The following KLF8 variants were observed in gnomAD, a reference collection of about 807,000 sequenced individuals.
The protein encoded by KLF8 is KLF transcription factor 8.
KLF8 carries 10 observed loss-of-function variants against 18.2 expected under a neutral mutation model. That is an observed-to-expected ratio of 0.55 (90% confidence interval 0.34 to 0.93). KLF8 has a LOEUF of 0.93. KLF8 is among the 40% of genes least tolerant of loss of function. The probability of loss-of-function intolerance (pLI) is 0.02; values close to 1 mark genes in which losing one functional copy is unlikely to be tolerated. For missense variants in KLF8, 264 were observed against 277.9 expected (o/e 0.95, Z 0.36); for synonymous variants, 109 against 97.3 (o/e 1.12, Z -0.71).
At chrX:56,113,564 T>G in the KLF8 span, among the ~76,000 whole-genome samples, 2 of 101,666 alleles carry the variant, frequency 2.0e-5, no homozygotes, top group Non-Finnish European at 4.0e-5. Context: ...GTTTTTTTTT[T>G]TTTTTTTTTT....
At chrX:56,146,618 C>T in the KLF8 span, among the ~76,000 whole-genome samples, 1 of 109,443 alleles carries the variant, frequency 9.1e-6, no homozygotes, top group African/African-American at 3.3e-5. Context: ...ATGTAGATGA[C>T]GGGCTGTTGG....
At chrX:56,114,094 G>T in the KLF8 span, among the ~76,000 whole-genome samples, 1 of 112,112 alleles carries the variant, frequency 8.9e-6, no homozygotes, top group South Asian at 3.7e-4. Context: ...GGCCCCGCCC[G>T]GTTAGGAGGG....
At chrX:56,067,214 C>A in the KLF8 span, among the ~76,000 whole-genome samples, 2 of 104,669 alleles carry the variant, frequency 1.9e-5, no homozygotes, top group African/African-American at 6.9e-5. Context: ...TTCCATTCGT[C>A]TTTGTGGAGT....
the KLF8 span, chrX:56,015,247 A>T: frequency 8.9e-6 from 1 of 111,905 alleles, no homozygotes; most frequent in Non-Finnish European, 1.9e-5. Context: ...ACATATCTAC[A>T]GTACGTCAGA....
the KLF8 span, among the ~76,000 whole-genome samples, chrX:56,189,577 T>C: frequency 3.6e-5 from 4 of 111,141 alleles, no homozygotes; most frequent in African/African-American, 9.8e-5. Flanking sequence ...ACACATATGT[T>C]TATTGTGGCA....
intron 2 of KLF8, among the ~76,000 whole-genome samples, chrX:56,250,823 G>A (rs911298844): frequency 9.0e-6 from 1 of 111,586 alleles, no homozygotes; most frequent in Non-Finnish European, 1.9e-5. Context: ...TCAGGGGTAG[G>A]CCGGCAGGCT....
chrX:55,987,193 C>A, the KLF8 span, among the ~76,000 whole-genome samples: 1 of 80,866 alleles, frequency 1.2e-5, no homozygotes, highest in Non-Finnish European at 2.7e-5. Context: ...TTTTTTTTTT[C>A]ATTTTAATTT....
chrX:55,985,739 A>T, the KLF8 span, among the ~76,000 whole-genome samples: 1 of 111,146 alleles, frequency 9.0e-6, no homozygotes, highest in East Asian at 2.8e-4. Flanking sequence ...CATTTTCACA[A>T]TATCAGTTCT....
the KLF8 span, among the ~76,000 whole-genome samples, chrX:56,084,712 C>A: frequency 2.7e-5 from 3 of 112,171 alleles, no homozygotes; most frequent in South Asian, 3.7e-4. Context: ...TTTAAAAGCT[C>A]TTTAAAGTAG....
the KLF8 span, among the ~76,000 whole-genome samples, chrX:56,197,630 T>C: frequency 7.2e-5 from 8 of 111,698 alleles, no homozygotes; most frequent in Middle Eastern, 4.2e-3. Flanking sequence ...TAGGACCAGA[T>C]GGATTCACAG....
the KLF8 span, among the ~76,000 whole-genome samples, chrX:56,123,299 G>GAAAGAAAGAA: frequency 9.7e-6 from 1 of 102,842 alleles, no homozygotes; most frequent in African/African-American, 3.8e-5. Flanking sequence ...AAGAAAGAAA[G>GAAAGAAAGAA]AGAAAGAAAG....
the KLF8 span, among the ~76,000 whole-genome samples, chrX:56,148,325 A>G: frequency 9.0e-6 from 1 of 111,598 alleles, no homozygotes; most frequent in Admixed American, 9.6e-5. Flanking sequence ...TCTCCTACTC[A>G]TAAAAATTAC....
chrX:56,053,070 G>A, the KLF8 span, among the ~76,000 whole-genome samples: 11 of 111,831 alleles, frequency 9.8e-5, no homozygotes, highest in South Asian at 4.1e-3. Flanking sequence ...CTCAGAAAGG[G>A]AACTCCCTGA....
chrX:56,037,504 A>T, the KLF8 span, among the ~76,000 whole-genome samples: 1 of 111,491 alleles, frequency 9.0e-6, no homozygotes, highest in Admixed American at 9.5e-5. Flanking sequence ...TTTTTTTAAA[A>T]AAGTTTGGTA....
chrX:56,078,898 C>T, the KLF8 span, among the ~76,000 whole-genome samples: 1 of 111,233 alleles, frequency 9.0e-6, no homozygotes, highest in African/African-American at 3.3e-5. Context: ...GGAATTTATC[C>T]ATTTCTTCTA....
the KLF8 span, among the ~76,000 whole-genome samples, chrX:55,924,204 A>G: frequency 8.2e-4 from 91 of 110,757 alleles, no homozygotes; most frequent in Non-Finnish European, 1.5e-3. Context: ...CGAGTAGCTA[A>G]GACTACAGGT....
At chrX:56,213,592 G>A in the KLF8 span, among the ~76,000 whole-genome samples, 8 of 109,794 alleles carry the variant, frequency 7.3e-5, no homozygotes, top group South Asian at 2.8e-3. Flanking sequence ...CAAAGTGCTG[G>A]GATAACAGGC....
At chrX:55,923,013 A>T in the KLF8 span, among the ~76,000 whole-genome samples, 4 of 111,596 alleles carry the variant, frequency 3.6e-5, no homozygotes, top group African/African-American at 1.3e-4. Context: ...TATTTTATAA[A>T]GATATATGTA....
the KLF8 span, among the ~76,000 whole-genome samples, chrX:56,048,442 G>A: frequency 4.5e-5 from 5 of 111,717 alleles, no homozygotes; most frequent in African/African-American, 1.6e-4. Flanking sequence ...ATTAATTTTT[G>A]TATAAGGTGT....
Sources: allele counts gnomAD v4.1 joint callset (sites outside exome capture counted in the v4.1 genomes callset), GRCh38; gene constraint gnomAD v4.1.1; transcripts MANE v1.5; gene names NCBI Gene and HGNC (gene_info 2026-07-23, HGNC 2026-07-21).